Variants in MRC2 observed in about 807,000 individuals in gnomAD.
MRC2 encodes mannose receptor C-type 2.
A neutral mutation model predicts 206.2 loss-of-function variants in MRC2; 84 were observed. The observed-to-expected ratio is 0.41, with a 90% CI of 0.34 to 0.49. MRC2 has a LOEUF of 0.49. Among genes scored for constraint, MRC2 ranks in the 20% least tolerant of loss-of-function variants. MRC2 has a pLI of 0.31. For missense variants in MRC2, 1,676 were observed against 2,001.5 expected (o/e 0.84, Z 3.10); for synonymous variants, 798 against 800.0 (o/e 1.00, Z 0.04).
At chr17:62,639,425 A>C (rs1449471185) in intron 1 of MRC2, among the ~76,000 whole-genome samples, 3 of 152,244 alleles carry the variant, frequency 2.0e-5, no homozygotes, top group Admixed American at 6.5e-5. Context: ...AAACTAGCAA[A>C]AACAGAAAAG....
chr17:62,646,320 G>A lies in MRC2; in HGVS notation c.119-18228G>A, dbSNP rs947462750. On this transcript the variant is annotated intron_variant, in intron 1 of 29. Coordinates refer to ENST00000303375, the MANE Select transcript of MRC2 (RefSeq NM_006039.5). The stretch of plus-strand genomic sequence containing the variant: ...ATTACAGGCGTGAGCCACCGCGCCC[G>A]GCCCCCTCTCTCTCTTTTTTTAAGA... Among the ~76,000 whole-genome samples the A allele has an allele frequency of 5.3e-5, 8 of 151,812 alleles. 1 individual carries two copies. Among genetic ancestry groups the A allele is most frequent in the South Asian group, 4.2e-4 (2 of 4,808 alleles).
At chr17:62,628,178 G>C (rs1055085575) in intron 1 of MRC2, among the ~76,000 whole-genome samples, 1 of 152,042 alleles carries the variant, frequency 6.6e-6, no homozygotes, top group African/African-American at 2.4e-5. Flanking sequence ...GGAGCCCGGG[G>C]GACTCCAGCA....
rs1196045592 is a variant in MRC2 at position 62,689,099 on chromosome 17, G to C, written c.3334+139G>C. ...GGGAAGCAGATGGGCAGAAAGGCAA[G>C]GTGCCAATAAGATGGAAAAGCAATA... On this transcript the variant is annotated intron_variant, in intron 23 of 29. Transcript: ENST00000303375. The C allele has an allele frequency of 5.0e-5, 35 of 699,686 alleles. No individual in the cohort carries two copies. In the East Asian group the frequency reaches 9.5e-4, roughly 19 times the overall value. The allele number at this position is 699,686 out of a possible 1,614,324, so 43.3% of individuals were successfully genotyped here.
intron 1 of MRC2, among the ~76,000 whole-genome samples, chr17:62,654,289 C>A (rs1191952810): frequency 6.6e-6 from 1 of 152,186 alleles, no homozygotes; most frequent in East Asian, 2.0e-4. Context: ...CAGGTGGTCG[C>A]TGGGCCCTGC....
chr17:62,656,765 C>T lies in MRC2; in HGVS notation c.119-7783C>T, dbSNP rs146255944. Among the ~76,000 whole-genome samples, 146 of 152,302 alleles carry T rather than the reference C, an allele frequency of 9.6e-4. 1 individual carries two copies. The highest frequency in any genetic ancestry group is 3.2e-3 in the African/African-American group (134 of 41,538). On this transcript the variant is annotated intron_variant, in intron 1 of 29. Transcript: ENST00000303375. ...AGACAAGCTAATTAAAAAAGGAATG[C>T]AGGAGCCCAGCTGGCTGCAGATGAT...
intron 1 of MRC2, among the ~76,000 whole-genome samples, chr17:62,650,194 C>T (rs999658501): frequency 2.0e-5 from 3 of 151,634 alleles, no homozygotes; most frequent in Non-Finnish European, 2.9e-5. Flanking sequence ...CATGCTTGGC[C>T]GTCATTCTTA....
At chr17:62,673,818 T>A (rs564246906) in intron 8 of MRC2, among the ~76,000 whole-genome samples, 1 of 152,018 alleles carries the variant, frequency 6.6e-6, no homozygotes, top group African/African-American at 2.4e-5. Flanking sequence ...CCAGGATGCC[T>A]TTCCCATTTA....
rs961268870 is a variant in MRC2, at chr17:62,693,482, G to A, written c.*1031G>A. ...CGTGGGACAATGTGAACATGGACTC[G>A]AAGACATGGCCCTTTCTCTGTAGTT... is the stretch of plus-strand genomic sequence containing the variant. On this transcript the variant is annotated 3_prime_UTR_variant, in exon 30 of 30. Coordinates refer to ENST00000303375, the MANE Select transcript of MRC2 (RefSeq NM_006039.5). 2.0e-5 allele frequency: 3 copies of A among 152,560 alleles called. No individual in the cohort carries two copies. Among genetic ancestry groups the A allele is most frequent in the South Asian group, 2.1e-4 (1 of 4,824 alleles). The allele number at this position is 152,560 out of a possible 1,614,324, so 9.5% of individuals were successfully genotyped here.
chr17:62,662,702 G>A (rs2088695534), intron 1 of MRC2, among the ~76,000 whole-genome samples: 1 of 152,140 alleles, frequency 6.6e-6, no homozygotes, highest in South Asian at 2.1e-4. Flanking sequence ...CCGAGGTTGG[G>A]AGTTTGAGAC....
intron 8 of MRC2, among the ~76,000 whole-genome samples, chr17:62,673,507 C>CTTT (rs55974246): frequency 8.4e-6 from 1 of 119,702 alleles, no homozygotes; most frequent in Non-Finnish European, 1.7e-5. Context: ...GACGCCTTTC[C>CTTT]TTTTTTTTTT....
intron 1 of MRC2, among the ~76,000 whole-genome samples, chr17:62,633,840 C>CAAAAAAAAAAAAAAAAAAAAAAAAAAAAA: frequency 3.0e-5 from 1 of 33,892 alleles, no homozygotes; most frequent in Non-Finnish European, 5.1e-5. Flanking sequence ...GACCCTGTCT[C>CAAAAAAAAAAAAAAAAAAAAAAAAAAAAA]AAAAAAAAAA....
At chr17:62,634,813 G>A (rs1378677613) in intron 1 of MRC2, among the ~76,000 whole-genome samples, 1 of 151,004 alleles carries the variant, frequency 6.6e-6, no homozygotes, top group Non-Finnish European at 1.5e-5. Context: ...GCTCTGGTTT[G>A]AACACCTCTG....
intron 22 of MRC2, 76 bp downstream of exon 22, chr17:62,688,740 T>A: frequency 6.3e-7 from 1 of 1,591,626 alleles, no homozygotes; most frequent in Non-Finnish European, 8.6e-7. Flanking sequence ...CCAGCATCTC[T>A]TGCCCCAGGG....
Position 62,680,330 on chromosome 17 carries a change from G to A in MRC2, c.2437+22G>A. The stretch of plus-strand genomic sequence containing the variant: ...AGAGGTTGGCCGGAGTGGCGCTGGG[G>A]GACGCGGGATGGAGCGAAGGGTGGC... On this transcript the variant is annotated intron_variant, in intron 15 of 29. Coordinates refer to ENST00000303375, the MANE Select transcript of MRC2 (RefSeq NM_006039.5). This position sits in a 1 kb window ranked among gnomAD's most constrained non-coding sequence, Gnocchi z 4.8. The A allele has an allele frequency of 6.2e-7, 1 of 1,613,782 alleles. No homozygotes were observed. Among genetic ancestry groups the A allele is most frequent in the Non-Finnish European group, 8.5e-7 (1 of 1,179,786 alleles).
chr17:62,691,991 G>T lies in MRC2; in HGVS notation c.4193-121G>T, dbSNP rs1599001183. 8 of 1,299,318 alleles carry T rather than the reference G, an allele frequency of 6.2e-6. 1 individual carries two copies. In the Admixed American group the frequency reaches 1.5e-4, roughly 25 times the overall value. 80.5% of individuals were successfully genotyped at this position (1,299,318 alleles called of 1,614,324 possible). A position where few individuals can be genotyped will look rare whatever the true frequency, so the allele number is the denominator to read the frequency against. On this transcript the variant is annotated intron_variant, in intron 28 of 29. Coordinates refer to ENST00000303375, the MANE Select transcript of MRC2 (RefSeq NM_006039.5). ...GTAACCAGAGGTAGGATGGGAGGGGGAACTAGAGCCTCTTTCTCCCCAGAC... is the reference window on the plus strand; with the variant it reads ...GTAACCAGAGGTAGGATGGGAGGGGTAACTAGAGCCTCTTTCTCCCCAGAC...
chr17:62,658,307 C>G (rs1274760615), intron 1 of MRC2, among the ~76,000 whole-genome samples: 1 of 152,154 alleles, frequency 6.6e-6, no homozygotes, highest in Non-Finnish European at 1.5e-5. Flanking sequence ...TGCGAGTTTC[C>G]TTGTGGTCCC....
At chr17:62,689,452 C>T (rs1432886038) in intron 23 of MRC2, 70 bp from the exon 24 acceptor site, 19 of 1,104,182 alleles carry the variant, frequency 1.7e-5, no homozygotes, top group Non-Finnish European at 2.2e-5. Flanking sequence ...GCGGCCTTCT[C>T]CTGGCCTTGT....
intron 9 of MRC2, 76 bp downstream of exon 9, chr17:62,674,246 A>C: frequency 3.3e-5 from 35 of 1,046,952 alleles, no homozygotes; most frequent in East Asian, 1.8e-4. Flanking sequence ...AGGTGGATGA[A>C]CTCCTGCTGC....
rs1231058715 is a variant in MRC2, at chr17:62,681,169, G to A, written c.2702+40G>A. 1.9e-6 allele frequency: 3 copies of A among 1,602,810 alleles called. No individual in the cohort carries two copies. In the African/African-American group the frequency reaches 4.0e-5, roughly 21 times the overall value. On this transcript the variant is annotated intron_variant, in intron 18 of 29. Transcript: ENST00000303375. ...AGGCAGCAGATGTGGAAGGGGGCTG[G>A]CTGTCCACACACGGAGCACAGAGGC...
Sources: allele counts gnomAD v4.1 joint callset (sites outside exome capture counted in the v4.1 genomes callset), GRCh38; gene constraint gnomAD v4.1.1; non-coding constraint Gnocchi (gnomAD v3.1); transcripts MANE v1.5; gene names NCBI Gene and HGNC (gene_info 2026-07-23, HGNC 2026-07-21).